PLAAT3: variants seen among roughly 807,000 people sequenced by gnomAD.
PLAAT3 encodes the protein Ca-independent phospholipase A1/2.
In PLAAT3, 21 loss-of-function variants were observed where a neutral mutation model predicts 16.7. The observed-to-expected ratio is 1.26, with a 90% CI of 0.89 to 1.81. PLAAT3 has a LOEUF of 1.81. Among genes scored for constraint, PLAAT3 ranks in the 40% most tolerant of loss-of-function variants. The pLI, the probability that PLAAT3 is intolerant of heterozygous loss-of-function variation, is 0.00. For synonymous variants in PLAAT3, 76 were observed against 81.7 expected (o/e 0.93, Z 0.38); for missense variants, 219 against 213.7 (o/e 1.02, Z -0.16).
chr11:63,582,408 G>A (rs1302954303), intron 4 of PLAAT3, among the ~76,000 whole-genome samples: 1 of 152,186 alleles, frequency 6.6e-6, no homozygotes, highest in Non-Finnish European at 1.5e-5. Flanking sequence ...ACGTGTCCAA[G>A]CAAAATAAAC....
chr11:63,609,070 T>C (rs1277537311), intron 2 of PLAAT3, among the ~76,000 whole-genome samples: 1 of 152,172 alleles, frequency 6.6e-6, no homozygotes, highest in Non-Finnish European at 1.5e-5. Context: ...TATTTTTGAT[T>C]TGGAAAGGTC....
rs535903231 is a variant in PLAAT3, at chr11:63,583,487, C to G, written c.387+6613G>C. On this transcript the variant is annotated intron_variant, in intron 4 of 4. Transcript: ENST00000415826. ...TTGTCAAGGAAAACAACAATAACCT[C>G]ATTGTTTGTGGCCATGCTTTGTACA... Among the ~76,000 whole-genome samples, 4 of 152,312 alleles carry G rather than the reference C, an allele frequency of 2.6e-5. No homozygotes were observed. In the East Asian group the frequency reaches 7.7e-4, roughly 29 times the overall value.
At chr11:63,613,274 A>AGTGGC (rs1474557339) in intron 2 of PLAAT3, among the ~76,000 whole-genome samples, 1 of 151,912 alleles carries the variant, frequency 6.6e-6, no homozygotes, top group Admixed American at 6.6e-5. Flanking sequence ...AGCCAGGCGT[A>AGTGGC]GTGGCGGGCG....
At chr11:63,595,389 G>A (rs1432260866) in intron 3 of PLAAT3, among the ~76,000 whole-genome samples, 1 of 151,344 alleles carries the variant, frequency 6.6e-6, no homozygotes, top group African/African-American at 2.4e-5. Flanking sequence ...ATGCTAAATT[G>A]TAGCATATTC....
intron 2 of PLAAT3, among the ~76,000 whole-genome samples, chr11:63,599,706 T>C (rs961694134): frequency 7.3e-5 from 11 of 151,438 alleles, no homozygotes; most frequent in African/African-American, 2.5e-4. Context: ...ATCCCATTGT[T>C]TTCCAGGAAA....
chr11:63,597,688 T>A (rs1938325031), intron 3 of PLAAT3, among the ~76,000 whole-genome samples: 1 of 152,168 alleles, frequency 6.6e-6, no homozygotes, highest in Admixed American at 6.5e-5. Context: ...CTAATGCCGC[T>A]GCTGATCTGA....
intron 3 of PLAAT3, among the ~76,000 whole-genome samples, chr11:63,594,774 G>C (rs1300437993): frequency 1.3e-5 from 2 of 151,788 alleles, no homozygotes; most frequent in Admixed American, 1.3e-4. Context: ...TGATCAACGG[G>C]ATATATTACA....
chr11:63,582,906 G>A (rs1468142335), intron 4 of PLAAT3, among the ~76,000 whole-genome samples: 1 of 152,170 alleles, frequency 6.6e-6, no homozygotes, highest in African/African-American at 2.4e-5. Flanking sequence ...GCCGAGGCAG[G>A]CGGATGATGA....
At chr11:63,581,654 C>T (rs1410406337) in intron 4 of PLAAT3, among the ~76,000 whole-genome samples, 1 of 152,144 alleles carries the variant, frequency 6.6e-6, no homozygotes, top group Non-Finnish European at 1.5e-5. Context: ...AGCATGTGAT[C>T]CTTGTGACCT....
intron 2 of PLAAT3, among the ~76,000 whole-genome samples, chr11:63,601,719 T>C (rs1938435501): frequency 6.6e-6 from 1 of 152,208 alleles, no homozygotes; most frequent in African/African-American, 2.4e-5. Flanking sequence ...CTCACGCCTG[T>C]AATCCCAACA....
upstream of PLAAT3, among the ~76,000 whole-genome samples, chr11:63,615,236 A>G (rs369867360): frequency 2.0e-3 from 15 of 7,334 alleles, 1 homozygote; most frequent in Non-Finnish European, 0.028. Flanking sequence ...ATGTGTATAT[A>G]TGTGTATATA....
At chr11:63,602,436 C>T (rs774757027) in intron 2 of PLAAT3, among the ~76,000 whole-genome samples, 5 of 152,046 alleles carry the variant, frequency 3.3e-5, no homozygotes, top group Non-Finnish European at 7.4e-5. Context: ...AAGTACTTAT[C>T]ATTATACACG....
chr11:63,598,139 T>G lies in PLAAT3; in HGVS notation c.40A>C (p.Ile14Leu). ...CTGTAGAAAGGGCGAAAAATCTCAA[T>G]CAGGTCTCCAGGCTTAGGCTCTGGC... ...PIPEPKPGDL[I>L]EIFRPFYRHW... The change falls in exon 3 of 5, where the codon ATT (isoleucine) becomes CTT (leucine). Residue 14 changes from isoleucine to leucine, a missense_variant. Transcript: ENST00000415826. 2 of 1,613,844 alleles carry G rather than the reference T, an allele frequency of 1.2e-6. No homozygotes were observed. The highest frequency in any genetic ancestry group is 8.5e-7 in the Non-Finnish European group (1 of 1,179,764).
At chr11:63,578,063 G>T (rs527750740) in intron 4 of PLAAT3, among the ~76,000 whole-genome samples, 24 of 152,166 alleles carry the variant, frequency 1.6e-4, no homozygotes, top group South Asian at 4.1e-4. Flanking sequence ...CAGGCAGATT[G>T]CTTGAGCTCA....
chr11:63,584,830 A>G (rs1937923357), intron 4 of PLAAT3, among the ~76,000 whole-genome samples: 1 of 152,030 alleles, frequency 6.6e-6, no homozygotes, highest in Non-Finnish European at 1.5e-5. Flanking sequence ...TTTTGAAGGA[A>G]AATCTAGTCT....
intron 2 of PLAAT3, among the ~76,000 whole-genome samples, chr11:63,606,272 G>A (rs1262338361): frequency 6.6e-6 from 1 of 152,072 alleles, no homozygotes; most frequent in African/African-American, 2.4e-5. Flanking sequence ...TCAGTAACAG[G>A]AGACAAAAGG....
chr11:63,597,576 G>GTAGTTCTT (rs1330332670), intron 3 of PLAAT3, among the ~76,000 whole-genome samples: 2 of 152,136 alleles, frequency 1.3e-5, no homozygotes, highest in Non-Finnish European at 2.9e-5. Flanking sequence ...CCAGTCTCGG[G>GTAGTTCTT]TAGTTCTTTA....
In PLAAT3 at chr11:63,590,273, C is replaced by T; in HGVS notation, c.214G>A (p.Asp72Asn). The T allele has an allele frequency of 1.2e-6, 2 of 1,614,220 alleles. No individual in the cohort carries two copies. Among genetic ancestry groups the T allele is most frequent in the Non-Finnish European group, 1.7e-6 (2 of 1,180,014 alleles). Residue 72 changes from aspartate to asparagine, a missense_variant, in exon 4 of 5, where the codon GAC (aspartate) becomes AAC (asparagine). Asp to Asn is a conservative substitution (Grantham distance 23). Coordinates refer to ENST00000415826, the MANE Select transcript of PLAAT3 (RefSeq NM_001128203.2). The part of the protein sequence containing the change: ...KELLYDVAGS[D>N]KYQVNNKHDD... ...TGTTTGTTGTTGACCTGGTACTTGT[C>T]ACTCCCGGCCACATCATACAGCAAT...
chr11:63,614,867 T>G (rs1938792092), upstream of PLAAT3, among the ~76,000 whole-genome samples: 1 of 149,732 alleles, frequency 6.7e-6, no homozygotes, highest in South Asian at 2.1e-4. Context: ...TGCAAAAAAT[T>G]AGCCGGGCGT....
Sources: gnomAD v4.1 joint callset for allele counts (sites outside exome capture counted in the v4.1 genomes callset) on GRCh38, gnomAD v4.1.1 for gene constraint, MANE v1.5 for transcripts, NCBI Gene and HGNC (gene_info 2026-07-23, HGNC 2026-07-21) for gene names.